EYA2: variants seen among roughly 807,000 people sequenced by gnomAD.
EYA2 encodes EYA transcriptional coactivator and phosphatase 2.
In EYA2, 31 loss-of-function variants were observed where a neutral mutation model predicts 69.2. The ratio of observed to expected loss-of-function variants is 0.45; its 90% confidence interval spans 0.34 to 0.60. The LOEUF (loss-of-function observed/expected upper bound fraction) is 0.60. Ranked by LOEUF, EYA2 falls within the 20% of genes least tolerant of loss-of-function variation. The pLI is 0.02. For missense variants in EYA2, 622 were observed against 701.2 expected (o/e 0.89, Z 1.28); for synonymous variants, 257 against 279.4 (o/e 0.92, Z 0.80).
intron 5 of EYA2, among the ~76,000 whole-genome samples, chr20:47,069,780 A>G (rs1383806764): frequency 6.6e-6 from 1 of 152,128 alleles, no homozygotes; most frequent in African/African-American, 2.4e-5. Context: ...TCAGTGGGAG[A>G]AAGGATAGAC....
At chr20:47,110,933 C>T (rs1167549840) in intron 9 of EYA2, among the ~76,000 whole-genome samples, 1 of 152,246 alleles carries the variant, frequency 6.6e-6, no homozygotes, top group Non-Finnish European at 1.5e-5. Context: ...AGGGTCTCAG[C>T]AAAGGCTTCA....
At chr20:47,035,666 A>G (rs1984662194) in intron 5 of EYA2, among the ~76,000 whole-genome samples, 1 of 152,270 alleles carries the variant, frequency 6.6e-6, no homozygotes, top group South Asian at 2.1e-4. Context: ...AAGCCTAATC[A>G]GGGCCGCCAT....
At chr20:47,160,908 C>A in intron 10 of EYA2, 2 of 239,290 alleles carry the variant, frequency 8.4e-6, no homozygotes, top group South Asian at 1.5e-4. Context: ...ACAAGGTAGT[C>A]AGTGAATTCC....
At chr20:46,951,208 G>A (rs571631790) in intron 1 of EYA2, among the ~76,000 whole-genome samples, 3 of 152,304 alleles carry the variant, frequency 2.0e-5, no homozygotes, top group African/African-American at 7.2e-5. Flanking sequence ...ATAAGGTCAT[G>A]AGGCTGGCAC....
intron 1 of EYA2, among the ~76,000 whole-genome samples, chr20:46,915,021 A>G (rs542334106): frequency 1.8e-4 from 28 of 152,224 alleles, no homozygotes; most frequent in African/African-American, 6.5e-4. Flanking sequence ...TCTACCGGAG[A>G]TGGGAGGCCT....
intron 2 of EYA2, among the ~76,000 whole-genome samples, chr20:46,991,463 G>T (rs1981653693): frequency 6.6e-6 from 1 of 152,172 alleles, no homozygotes. Flanking sequence ...TTGGGGGCAT[G>T]GTGCATGGTT....
intron 9 of EYA2, among the ~76,000 whole-genome samples, chr20:47,119,280 G>T (rs2032984638): frequency 6.6e-6 from 1 of 152,216 alleles, no homozygotes. Context: ...AGGGAAATAG[G>T]AGGTGTCCCC....
intron 12 of EYA2, 116 bp from the exon 13 acceptor site, chr20:47,179,682 T>G (rs895174443): frequency 6.2e-5 from 40 of 650,166 alleles, no homozygotes; most frequent in Non-Finnish European, 9.6e-5. Flanking sequence ...GAAGTTTACT[T>G]TGGGTTGTCA....
At chr20:47,030,643 G>A (rs1356745674) in intron 5 of EYA2, among the ~76,000 whole-genome samples, 1 of 152,190 alleles carries the variant, frequency 6.6e-6, no homozygotes, top group Non-Finnish European at 1.5e-5. Flanking sequence ...CTGGGAGCTA[G>A]AAGTCCCAGA....
At chr20:47,067,620 TTAATG>T (rs1448457955) in intron 5 of EYA2, among the ~76,000 whole-genome samples, 3 of 152,122 alleles carry the variant, frequency 2.0e-5, no homozygotes, top group East Asian at 1.9e-4. Flanking sequence ...AAAAAAAAAT[TTAATG>T]TAACGAACCA....
At chr20:47,128,975 T>G (rs1232591868) in intron 9 of EYA2, among the ~76,000 whole-genome samples, 1 of 152,074 alleles carries the variant, frequency 6.6e-6, no homozygotes, top group African/African-American at 2.4e-5. Flanking sequence ...AATACAAAAA[T>G]TAGCCGAGCA....
chr20:47,143,754 G>A (rs536080644), intron 10 of EYA2, among the ~76,000 whole-genome samples: 7 of 152,092 alleles, frequency 4.6e-5, no homozygotes, highest in South Asian at 2.1e-4. Context: ...AAAGGATTTC[G>A]AATGGGAAAC....
chr20:47,128,589 CATTTT>C (rs2033258454), intron 9 of EYA2, among the ~76,000 whole-genome samples: 1 of 150,154 alleles, frequency 6.7e-6, no homozygotes, highest in South Asian at 2.1e-4. Flanking sequence ...TAAATCATTT[CATTTT>C]ATGTTACTAG....
At chr20:47,023,632 GTTTT>G (rs60939329) in intron 5 of EYA2, among the ~76,000 whole-genome samples, 1 of 90,116 alleles carries the variant, frequency 1.1e-5, no homozygotes, top group Admixed American at 1.3e-4. Context: ...GATTTTGGGT[GTTTT>G]TTTTTTTTTT....
chr20:47,076,255 C>T lies in EYA2; in HGVS notation c.661+1920C>T, dbSNP rs151044130. Among the ~76,000 whole-genome samples, 412 of 152,302 alleles carry T rather than the reference C, an allele frequency of 2.7e-3. 1 individual carries two copies. Among genetic ancestry groups the T allele is most frequent in the African/African-American group, 9.4e-3 (389 of 41,570 alleles). On this transcript the variant is annotated intron_variant, in intron 7 of 15. Transcript: ENST00000327619. ...CTGGTATATATCCAAATGGTAGTTTCATTTTAAGTTCCTTGAGAAATCTTC... is the reference window on the plus strand; with the variant it reads ...CTGGTATATATCCAAATGGTAGTTTTATTTTAAGTTCCTTGAGAAATCTTC...
chr20:47,003,532 C>T (rs554571723), intron 3 of EYA2, among the ~76,000 whole-genome samples: 1 of 152,304 alleles, frequency 6.6e-6, no homozygotes, highest in East Asian at 1.9e-4. Context: ...AGAAGGAAGA[C>T]AAAGCGAGTG....
chr20:46,918,665 T>C (rs1284677566), intron 1 of EYA2, among the ~76,000 whole-genome samples: 1 of 152,170 alleles, frequency 6.6e-6, no homozygotes, highest in Non-Finnish European at 1.5e-5. Context: ...CTCAAAGTCA[T>C]TGATGAGGGC....
At chr20:47,096,635 C>T (rs1159344586) in intron 8 of EYA2, among the ~76,000 whole-genome samples, 1 of 152,164 alleles carries the variant, frequency 6.6e-6, no homozygotes, top group Non-Finnish European at 1.5e-5. Context: ...AAGATATTGT[C>T]TCAAGTTGAA....
At chr20:46,952,130 G>A (rs573048923) in intron 1 of EYA2, among the ~76,000 whole-genome samples, 20 of 152,304 alleles carry the variant, frequency 1.3e-4, no homozygotes. Context: ...GAAGAACTCC[G>A]CCGAGCAATG....
Sources: gnomAD v4.1 joint callset for allele counts (sites outside exome capture counted in the v4.1 genomes callset) on GRCh38, gnomAD v4.1.1 for gene constraint, MANE v1.5 for transcripts, NCBI Gene and HGNC (gene_info 2026-07-23, HGNC 2026-07-21) for gene names.